LAPTM4B: variants seen among roughly 807,000 people sequenced by gnomAD.
LAPTM4B encodes the protein lysosomal protein transmembrane 4 beta.
Under a neutral mutation model 28.5 loss-of-function variants are expected in LAPTM4B, and 26 were observed. The ratio of observed to expected loss-of-function variants is 0.91; its 90% confidence interval spans 0.67 to 1.27. The LOEUF is 1.27. Ranked by LOEUF, LAPTM4B falls within the 50% of genes most tolerant of loss-of-function variation. LAPTM4B has a pLI of 0.00. For missense variants in LAPTM4B, 288 were observed against 285.8 expected (o/e 1.01, Z -0.06); for synonymous variants, 109 against 106.4 (o/e 1.02, Z -0.15).
chr8:97,844,508 C>A (rs137899080), intron 6 of LAPTM4B, among the ~76,000 whole-genome samples: 189 of 152,290 alleles, frequency 1.2e-3, no homozygotes, highest in African/African-American at 3.9e-3. Context: ...AAACAGCTTG[C>A]ATCCTAGGTC....
At position 97,825,114 on chromosome 8, in the gene LAPTM4B, C is replaced by G; in HGVS notation, c.564C>G (p.Ser188=). Residue 188 remains serine, a synonymous_variant, in exon 6 of 7, where the codon TCC becomes TCG. Transcript: ENST00000521545. ...ACCGATACATCAATGGTAGGAACTC[C>G]TCTGATGTCCTGGTTTATGTTACCA... ...NCYRYINGRN[S]SDVLVYVTSN... The G allele has an allele frequency of 6.2e-7, 1 of 1,610,976 alleles. No individual in the cohort carries two copies. Among genetic ancestry groups the G allele is most frequent in the Non-Finnish European group, 8.5e-7 (1 of 1,177,266 alleles).
At chr8:97,831,276 C>A (rs2449532) in intron 6 of LAPTM4B, among the ~76,000 whole-genome samples, 92,509 of 151,966 alleles carry the variant, frequency 0.61, 29,313 homozygotes, top group African/African-American at 0.79. Flanking sequence ...GCAAGAAATG[C>A]CTGCAGTGGC....
chr8:97,838,685 C>T (rs188306858), intron 6 of LAPTM4B, among the ~76,000 whole-genome samples: 16 of 152,286 alleles, frequency 1.1e-4, no homozygotes, highest in Admixed American at 2.6e-4. Context: ...GTGTTCTCAC[C>T]GCCGTGTCTG....
chr8:97,851,667 A>G lies in LAPTM4B; in HGVS notation c.*193A>G. 1.7e-6 allele frequency: 1 copy of G among 598,310 alleles called. No homozygotes were observed. Among genetic ancestry groups the G allele is most frequent in the South Asian group, 2.0e-5 (1 of 49,530 alleles). 37.1% of individuals were successfully genotyped at this position (598,310 alleles called of 1,614,324 possible). A position where few individuals can be genotyped will look rare whatever the true frequency, so the allele number is the denominator to read the frequency against. On this transcript the variant is annotated 3_prime_UTR_variant, in exon 7 of 7. Transcript: ENST00000521545. ...TTTGCTGGAACACTGTGATAGATTA[A>G]CTGTAGAATTCTTCCTGTACGATTG...
In LAPTM4B at chr8:97,776,205, T is replaced by G. The variant is rs1001518297; in HGVS notation, c.99+97T>G. On this transcript the variant is annotated intron_variant, in intron 1 of 6. Coordinates refer to ENST00000521545, the MANE Select transcript of LAPTM4B (RefSeq NM_018407.6). ...CGCGGTGGGGTGAGGCGTGCGCTCA[T>G]CCGCCTAAAGTTGTATTATTAGAAA... The G allele has an allele frequency of 1.4e-5, 18 of 1,312,214 alleles. No homozygotes were observed. The African/African-American group carries it at 2.6e-4, about 19-fold the overall frequency. 81.3% of individuals were successfully genotyped at this position (1,312,214 alleles called of 1,614,324 possible).
chr8:97,808,791 T>A (rs1816789402), intron 2 of LAPTM4B, among the ~76,000 whole-genome samples: 1 of 151,946 alleles, frequency 6.6e-6, no homozygotes, highest in Non-Finnish European at 1.5e-5. Flanking sequence ...AAACCCTGTC[T>A]CTACTAAAAA....
At position 97,784,164 on chromosome 8, in the gene LAPTM4B, C is replaced by T. The variant is rs150709863; in HGVS notation, c.99+8056C>T. 4.4e-3 allele frequency among the ~76,000 whole-genome samples: 667 copies of T among 152,222 alleles called. 3 individuals are homozygous for T. The highest frequency in any genetic ancestry group is 0.015 in the African/African-American group (620 of 41,540). On this transcript the variant is annotated intron_variant, in intron 1 of 6. Transcript: ENST00000521545. ...TAGACCTCAAAGCAACCCTGGGTCA[C>T]GCATGATAGGTGGTGATATGTTCTT...
chr8:97,779,751 T>C (rs370557094), intron 1 of LAPTM4B, among the ~76,000 whole-genome samples: 2 of 141,722 alleles, frequency 1.4e-5, no homozygotes, highest in East Asian at 2.1e-4. Flanking sequence ...AAGACTCTTA[T>C]CTAAAAAAAA....
At chr8:97,800,878 G>A (rs983038612) in intron 1 of LAPTM4B, among the ~76,000 whole-genome samples, 3 of 151,992 alleles carry the variant, frequency 2.0e-5, no homozygotes, top group African/African-American at 4.8e-5. Context: ...TCGGGAGGCC[G>A]GGGCAGGAGG....
At chr8:97,810,903 C>T (rs971119183) in intron 2 of LAPTM4B, among the ~76,000 whole-genome samples, 13 of 152,288 alleles carry the variant, frequency 8.5e-5, no homozygotes, top group Admixed American at 3.3e-4. Flanking sequence ...AGGCTAAAGA[C>T]ACCACTACAT....
chr8:97,825,272 T>G, intron 6 of LAPTM4B, 119 bp downstream of exon 6: 1 of 529,932 alleles, frequency 1.9e-6, no homozygotes, highest in Admixed American at 3.2e-5. Flanking sequence ...CATGAGCTGC[T>G]TAGTTATCAA....
At chr8:97,806,483 G>A (rs562078720) in intron 2 of LAPTM4B, among the ~76,000 whole-genome samples, 8 of 152,280 alleles carry the variant, frequency 5.3e-5, no homozygotes, top group African/African-American at 1.7e-4. Context: ...GAGAAAGTCC[G>A]GAGTCAGGAG....
intron 5 of LAPTM4B, among the ~76,000 whole-genome samples, chr8:97,819,861 A>G (rs1307420104): frequency 6.7e-6 from 1 of 148,510 alleles, no homozygotes; most frequent in Admixed American, 6.9e-5. Flanking sequence ...CAGCCTCCCC[A>G]GTAGGTGGGA....
chr8:97,803,786 C>T (rs2129767761), intron 1 of LAPTM4B, among the ~76,000 whole-genome samples: 1 of 152,262 alleles, frequency 6.6e-6, no homozygotes, highest in Non-Finnish European at 1.5e-5. Flanking sequence ...GCTGGGACTA[C>T]AGGCATGCAC....
At chr8:97,817,624 A>AT (rs1816941557) in intron 4 of LAPTM4B, among the ~76,000 whole-genome samples, 1 of 151,116 alleles carries the variant, frequency 6.6e-6, no homozygotes, top group Non-Finnish European at 1.5e-5. Context: ...AATTTTTTGT[A>AT]TTTTTAGTAG....
chr8:97,815,794 C>G (rs1816903035), intron 3 of LAPTM4B, among the ~76,000 whole-genome samples: 2 of 152,098 alleles, frequency 1.3e-5, no homozygotes, highest in African/African-American at 4.8e-5. Context: ...TCTCGAACTC[C>G]TGACCTTAAG....
In LAPTM4B at chr8:97,782,657, C is replaced by T. The variant is rs189722044; in HGVS notation, c.99+6549C>T. Among the ~76,000 whole-genome samples the T allele has an allele frequency of 6.0e-3, 904 of 151,516 alleles. 10 individuals carry two copies. Among genetic ancestry groups the T allele is most frequent in the African/African-American group, 0.02 (833 of 41,322 alleles). On this transcript the variant is annotated intron_variant, in intron 1 of 6. Coordinates refer to ENST00000521545, the MANE Select transcript of LAPTM4B (RefSeq NM_018407.6). ...TTCACCATGTTGGTCAGGCTTGTCTCGAACTCCTGACCTCCTGATCCACCT... is the reference window on the plus strand; with the variant it reads ...TTCACCATGTTGGTCAGGCTTGTCTTGAACTCCTGACCTCCTGATCCACCT...
At chr8:97,817,197 T>C (rs1816931841) in intron 4 of LAPTM4B, among the ~76,000 whole-genome samples, 2 of 152,082 alleles carry the variant, frequency 1.3e-5, no homozygotes, top group Admixed American at 6.6e-5. Flanking sequence ...AGTGGTGTGA[T>C]TATGGCTTGC....
intron 6 of LAPTM4B, among the ~76,000 whole-genome samples, chr8:97,834,744 C>T (rs1468770962): frequency 5.3e-5 from 8 of 152,130 alleles, no homozygotes; most frequent in African/African-American, 1.9e-4. Flanking sequence ...TGATTGCTTT[C>T]TTATTGTCTG....
Sources: gnomAD v4.1 joint callset for allele counts (sites outside exome capture counted in the v4.1 genomes callset) on GRCh38, gnomAD v4.1.1 for gene constraint, MANE v1.5 for transcripts, NCBI Gene and HGNC (gene_info 2026-07-23, HGNC 2026-07-21) for gene names.